The following SH3D19 variants were observed in gnomAD, a reference collection of about 807,000 sequenced individuals.
SH3D19 encodes the protein SH3 domain containing 19.
Under a neutral mutation model 112.1 loss-of-function variants are expected in SH3D19, and 58 were observed. That is an observed-to-expected ratio of 0.52 (90% confidence interval 0.42 to 0.64). The LOEUF (loss-of-function observed/expected upper bound fraction) is 0.64, where lower values mean the gene tolerates loss of function less well. SH3D19 is among the 30% of genes least tolerant of loss of function. SH3D19 has a pLI of 0.00. For missense variants in SH3D19, 1,090 were observed against 1,263.4 expected (o/e 0.86, Z 2.08); for synonymous variants, 391 against 448.5 (o/e 0.87, Z 1.62).
intron 2 of SH3D19, among the ~76,000 whole-genome samples, chr4:151,222,949 G>A (rs535117603): frequency 6.6e-6 from 1 of 150,946 alleles, no homozygotes; most frequent in African/African-American, 2.4e-5. Flanking sequence ...TTACAGGTGT[G>A]AGCCAACGCG....
At chr4:151,137,141 A>T (rs1163890987) in intron 14 of SH3D19, among the ~76,000 whole-genome samples, 2 of 152,208 alleles carry the variant, frequency 1.3e-5, no homozygotes, top group African/African-American at 4.8e-5. Context: ...TGCTTTCACA[A>T]GTTAGGCCGT....
chr4:151,131,812 T>A (rs1750782853), intron 17 of SH3D19, among the ~76,000 whole-genome samples: 1 of 151,424 alleles, frequency 6.6e-6, no homozygotes, highest in Non-Finnish European at 1.5e-5. Context: ...TCTAATCATG[T>A]CTCTTTTATC....
chr4:151,125,167 A>G (rs1748929338), intron 19 of SH3D19, among the ~76,000 whole-genome samples: 1 of 152,218 alleles, frequency 6.6e-6, no homozygotes, highest in Admixed American at 6.5e-5. Context: ...CTTACAGCAT[A>G]AGAAATACCT....
intron 1 of SH3D19, among the ~76,000 whole-genome samples, chr4:151,314,408 G>A (rs2126383736): frequency 6.6e-6 from 1 of 152,278 alleles, no homozygotes; most frequent in African/African-American, 2.4e-5. Context: ...TTACAAGCAT[G>A]TTCCCCATAA....
intron 2 of SH3D19, among the ~76,000 whole-genome samples, chr4:151,194,432 G>A (rs992684709): frequency 8.6e-5 from 13 of 151,984 alleles, no homozygotes; most frequent in Admixed American, 3.9e-4. Context: ...AAAAATAAGC[G>A]ATAAAATATA....
intron 1 of SH3D19, among the ~76,000 whole-genome samples, chr4:151,240,922 C>G (rs955051639): frequency 6.6e-6 from 1 of 151,874 alleles, no homozygotes; most frequent in African/African-American, 2.4e-5. Context: ...AAATGTGGTA[C>G]AGCCATACAA....
chr4:151,277,919 T>C (rs1048247611), intron 1 of SH3D19, among the ~76,000 whole-genome samples: 4 of 152,086 alleles, frequency 2.6e-5, no homozygotes, highest in South Asian at 2.1e-4. Flanking sequence ...CGGGCACCTG[T>C]AGTCCCAGCT....
At chr4:151,138,432 C>G (rs982202610) in intron 13 of SH3D19, among the ~76,000 whole-genome samples, 4 of 151,964 alleles carry the variant, frequency 2.6e-5, no homozygotes, top group African/African-American at 9.7e-5. Context: ...GCATGGGTGG[C>G]TCATGCCTGT....
In SH3D19 at chr4:151,325,542, G is replaced by C. The variant is rs1384450369; in HGVS notation, c.-190C>G. ...CTCCACCTGCAGCCGGCCGGGCAGC[G>C]GCAGGGCGCGGGCCGAGCCGATTCC... is the stretch of plus-strand genomic sequence containing the variant. On this transcript the variant is annotated 5_prime_UTR_variant, in exon 1 of 20. Coordinates refer to ENST00000604030, the MANE Select transcript of SH3D19 (RefSeq NM_001378122.1). 10 of 295,456 alleles carry C rather than the reference G, an allele frequency of 3.4e-5. No individual in the cohort carries two copies. Among genetic ancestry groups the C allele is most frequent in the Non-Finnish European group, 6.2e-5 (10 of 161,374 alleles). 18.3% of individuals were successfully genotyped at this position (295,456 alleles called of 1,614,324 possible).
intron 1 of SH3D19, among the ~76,000 whole-genome samples, chr4:151,315,450 G>A (rs984717222): frequency 1.3e-5 from 2 of 152,164 alleles, no homozygotes; most frequent in African/African-American, 2.4e-5. Flanking sequence ...GTGTAAATGA[G>A]TCTTAGTCAT....
intron 1 of SH3D19, among the ~76,000 whole-genome samples, chr4:151,308,279 T>C (rs1428297760): frequency 1.3e-5 from 2 of 152,248 alleles, no homozygotes; most frequent in African/African-American, 4.8e-5. Context: ...CAAGCACTGT[T>C]CTGAGTTATG....
chr4:151,322,481 T>C (rs1730645270), intron 1 of SH3D19, among the ~76,000 whole-genome samples: 1 of 139,668 alleles, frequency 7.2e-6, no homozygotes, highest in South Asian at 2.3e-4. Flanking sequence ...CCTCAGTACT[T>C]GATTGCCTAT....
In SH3D19 at chr4:151,127,618, C is replaced by G; in HGVS notation, c.3027G>C (p.Lys1009Asn). The change falls in exon 19 of 20, where the codon AAG becomes AAC. Residue 1009 changes from lysine (K) to asparagine (N), a missense_variant and splice_region_variant. Transcript: ENST00000604030. Reference protein sequence around the residue: ...RGENEDELSFKAGDIITELES... With the variant: ...RGENEDELSFNAGDIITELES... Reference sequence around the variant, plus strand: ...GTTATGAAGAGATACACATTCTGACCTTGAAGGAAAGTTCATCTTCATTCT... The same window carrying G: ...GTTATGAAGAGATACACATTCTGACGTTGAAGGAAAGTTCATCTTCATTCT... 1.3e-6 allele frequency: 2 copies of G among 1,584,068 alleles called. No individual in the cohort carries two copies. Among genetic ancestry groups the G allele is most frequent in the Non-Finnish European group, 8.6e-7 (1 of 1,165,354 alleles).
In SH3D19 at chr4:151,245,477, T is replaced by C. The variant is rs1268801844; in HGVS notation, c.113-19391A>G. On this transcript the variant is annotated intron_variant, in intron 1 of 19. Transcript: ENST00000604030. ...TTTAATGGCAACTGTGCCCAGAGTT[T>C]CTAGATATTCCTCATACCTGTTCCC... Among the ~76,000 whole-genome samples, 3 of 152,318 alleles carry C rather than the reference T, an allele frequency of 2.0e-5. No individual in the cohort carries two copies. The East Asian group carries it at 5.8e-4, about 29-fold the overall frequency.
intron 2 of SH3D19, among the ~76,000 whole-genome samples, chr4:151,211,157 C>G (rs1765904894): frequency 6.6e-6 from 1 of 151,946 alleles, no homozygotes; most frequent in South Asian, 2.1e-4. Context: ...ATAATCCCAG[C>G]TACTCGAGAG....
In SH3D19 at chr4:151,121,788, A is replaced by G; in HGVS notation, c.*303T>C. 1 of 229,828 alleles carries G rather than the reference A, an allele frequency of 4.4e-6. No individual in the cohort carries two copies. The allele number at this position is 229,828 out of a possible 1,614,324, so 14.2% of individuals were successfully genotyped here. A position where few individuals can be genotyped will look rare whatever the true frequency, so the allele number is the denominator to read the frequency against. ...TGATTAAAACAGATGTCCACGTGCA[A>G]CTTCTGTGTGTGAGCCTCCCCATGC... On this transcript the variant is annotated 3_prime_UTR_variant, in exon 20 of 20. Transcript: ENST00000604030.
intron 11 of SH3D19, among the ~76,000 whole-genome samples, chr4:151,144,810 GCT>G (rs1753646751): frequency 6.6e-6 from 1 of 152,174 alleles, no homozygotes; most frequent in South Asian, 2.1e-4. Context: ...GGTCCACTCA[GCT>G]CTGTCTGATC....
intron 1 of SH3D19, among the ~76,000 whole-genome samples, chr4:151,238,146 G>A (rs541489845): frequency 6.6e-6 from 1 of 152,242 alleles, no homozygotes; most frequent in South Asian, 2.1e-4. Flanking sequence ...CTCATTCCTA[G>A]TTCATCATGT....
At chr4:151,236,356 T>C (rs1770042586) in intron 1 of SH3D19, among the ~76,000 whole-genome samples, 1 of 152,234 alleles carries the variant, frequency 6.6e-6, no homozygotes, top group African/African-American at 2.4e-5. Flanking sequence ...TGGGCTTGAT[T>C]GGGGGATGAG....
Sources: allele counts gnomAD v4.1 joint callset (sites outside exome capture counted in the v4.1 genomes callset), GRCh38; gene constraint gnomAD v4.1.1; transcripts MANE v1.5; gene names NCBI Gene and HGNC (gene_info 2026-07-23, HGNC 2026-07-21).